Variants in GNA14 observed in about 807,000 individuals in gnomAD.
GNA14 encodes guanine nucleotide-binding protein subunit alpha-14.
GNA14 carries 50 observed loss-of-function variants against 42.0 expected under a neutral mutation model. The observed-to-expected ratio is 1.19, with a 90% CI of 0.95 to 1.51. The LOEUF is 1.51. Ranked by LOEUF, GNA14 falls within the 40% of genes most tolerant of loss-of-function variation. The pLI is 0.00. For missense variants in GNA14, 473 were observed against 446.2 expected, an observed-to-expected ratio of 1.06 and a Z score of -0.54; for synonymous variants, 173 against 163.1, an observed-to-expected ratio of 1.06 and a Z score of -0.46.
intron 1 of GNA14, chr9:77,580,753 T>C (rs2117856576): frequency 5.1e-6 from 1 of 195,156 alleles, no homozygotes; most frequent in East Asian, 1.3e-4. Context: ...GTGTGCACAG[T>C]GTGCTGCTGC....
intron 1 of GNA14, among the ~76,000 whole-genome samples, chr9:77,563,028 C>G (rs1227028014): frequency 6.6e-6 from 1 of 152,124 alleles, no homozygotes; most frequent in African/African-American, 2.4e-5. Flanking sequence ...AAATTTCCAG[C>G]AACTTTAGAG....
At chr9:77,615,900 CAT>C (rs1823806759) in intron 1 of GNA14, among the ~76,000 whole-genome samples, 1 of 151,394 alleles carries the variant, frequency 6.6e-6, no homozygotes, top group East Asian at 1.9e-4. Context: ...AAGTAGATAA[CAT>C]AGAGTCAAAG....
chr9:77,490,577 G>A (rs1353211196), intron 2 of GNA14, among the ~76,000 whole-genome samples: 2 of 152,248 alleles, frequency 1.3e-5, no homozygotes, highest in Non-Finnish European at 2.9e-5. Flanking sequence ...GCGCGGGTGG[G>A]CTGGCACTGC....
intron 2 of GNA14, among the ~76,000 whole-genome samples, chr9:77,521,447 C>T (rs1360957287): frequency 6.6e-6 from 1 of 152,128 alleles, no homozygotes; most frequent in Non-Finnish European, 1.5e-5. Flanking sequence ...AAAATACTCC[C>T]AGCCCCGAAA....
At chr9:77,644,437 C>CAAAAAAAAAAAAAAAAAAAAAAAAAA (rs764737417) in intron 1 of GNA14, among the ~76,000 whole-genome samples, 3 of 34,018 alleles carry the variant, frequency 8.8e-5, no homozygotes, top group African/African-American at 1.2e-4. Context: ...TAAAGAGTGT[C>CAAAAAAAAAAAAAAAAAAAAAAAAAA]AAAAAAAAAA....
chr9:77,558,661 T>C (rs935846769), intron 1 of GNA14, among the ~76,000 whole-genome samples: 10 of 152,100 alleles, frequency 6.6e-5, no homozygotes, highest in African/African-American at 2.4e-4. Flanking sequence ...CCATTAGGTA[T>C]GATGAAGACA....
intron 1 of GNA14, among the ~76,000 whole-genome samples, chr9:77,617,061 A>G (rs1047786699): frequency 9.9e-5 from 15 of 151,960 alleles, no homozygotes; most frequent in African/African-American, 2.7e-4. Flanking sequence ...TAGTAGAGAC[A>G]GGGTTTCACC....
At chr9:77,629,891 C>T (rs1436774632) in intron 1 of GNA14, among the ~76,000 whole-genome samples, 1 of 152,048 alleles carries the variant, frequency 6.6e-6, no homozygotes, top group Non-Finnish European at 1.5e-5. Flanking sequence ...AAAGAATACT[C>T]TCAAGACAAA....
intron 1 of GNA14, among the ~76,000 whole-genome samples, chr9:77,623,359 A>G (rs1336565847): frequency 6.6e-6 from 1 of 151,958 alleles, no homozygotes; most frequent in Non-Finnish European, 1.5e-5. Context: ...ATCATCCTAA[A>G]TCTTGGGCTG....
intron 1 of GNA14, among the ~76,000 whole-genome samples, chr9:77,555,367 C>T (rs928597965): frequency 4.6e-5 from 7 of 151,960 alleles, no homozygotes; most frequent in African/African-American, 1.2e-4. Context: ...ATTAGCTGGG[C>T]GTGGTGGCAT....
At chr9:77,431,924 C>T (rs950196002) in intron 3 of GNA14, among the ~76,000 whole-genome samples, 12 of 152,086 alleles carry the variant, frequency 7.9e-5, no homozygotes, top group African/African-American at 1.4e-4. Flanking sequence ...AATACACAGG[C>T]GTAAAACAGG....
Position 77,606,489 on chromosome 9 carries a change from CA to C in GNA14, c.124+41180del, listed in dbSNP as rs1475814246. 2.6e-5 allele frequency among the ~76,000 whole-genome samples: 4 copies of C among 152,286 alleles called. No individual in the cohort carries two copies. The East Asian group carries it at 5.8e-4, about 22-fold the overall frequency. On this transcript the variant is annotated intron_variant, in intron 1 of 6. Coordinates refer to ENST00000341700, the MANE Select transcript of GNA14 (RefSeq NM_004297.4). ...CTTAATATTCATAGCCCTCTCTTTTCAGGAAGTGAATGGCCATTATCACTAA... is the reference window on the plus strand; with the variant it reads ...CTTAATATTCATAGCCCTCTCTTTTCGGAAGTGAATGGCCATTATCACTAA...
rs1835499874 is a variant in GNA14 at position 77,428,933 on chromosome 9, G to C, written c.697C>G (p.Gln233Glu). ...IFLVALSEYD[Q>E]VLAECDNENR... ...TCGTTGTCACACTCAGCCAGGACCT[G>C]GTCATATTCACTCAGAGCAACCAAG... Residue 233 changes from glutamine to glutamate, a missense_variant, in exon 5 of 7, where the codon CAG (glutamine) becomes GAG (glutamate). Transcript: ENST00000341700. 6.2e-7 allele frequency: 1 copy of C among 1,613,770 alleles called. No individual in the cohort carries two copies. The highest frequency in any genetic ancestry group is 8.5e-7 in the Non-Finnish European group (1 of 1,179,876).
chr9:77,599,738 C>T (rs1823524300), intron 1 of GNA14, among the ~76,000 whole-genome samples: 1 of 152,156 alleles, frequency 6.6e-6, no homozygotes, highest in South Asian at 2.1e-4. Flanking sequence ...GTCGGGCCTC[C>T]TTCAATCTAT....
intron 1 of GNA14, among the ~76,000 whole-genome samples, chr9:77,603,488 C>A (rs1052681213): frequency 7.2e-5 from 11 of 152,140 alleles, no homozygotes; most frequent in African/African-American, 2.7e-4. Context: ...AAATTCTATT[C>A]TTTCTACTCT....
intron 2 of GNA14, among the ~76,000 whole-genome samples, chr9:77,518,470 T>C (rs1837296831): frequency 1.3e-5 from 2 of 151,868 alleles, no homozygotes; most frequent in African/African-American, 4.8e-5. Context: ...GTGGGTGGGA[T>C]CGGGAGTTCA....
intron 2 of GNA14, among the ~76,000 whole-genome samples, chr9:77,493,744 T>G (rs1836825900): frequency 6.6e-6 from 1 of 152,236 alleles, no homozygotes; most frequent in East Asian, 1.9e-4. Flanking sequence ...GGTTATTATT[T>G]GTTTTAATTT....
intron 2 of GNA14, among the ~76,000 whole-genome samples, chr9:77,459,683 G>A (rs1315609426): frequency 6.6e-6 from 1 of 152,162 alleles, no homozygotes; most frequent in East Asian, 1.9e-4. Flanking sequence ...TATTAGCAAT[G>A]CCTGATCCCT....
intron 1 of GNA14, among the ~76,000 whole-genome samples, chr9:77,622,476 A>C (rs1267607320): frequency 6.6e-6 from 1 of 152,140 alleles, no homozygotes; most frequent in Non-Finnish European, 1.5e-5. Flanking sequence ...ATGATTAAAG[A>C]AATTTTTTTC....
Sources: gnomAD v4.1 joint callset for allele counts (sites outside exome capture counted in the v4.1 genomes callset) on GRCh38, gnomAD v4.1.1 for gene constraint, MANE v1.5 for transcripts, NCBI Gene and HGNC (gene_info 2026-07-23, HGNC 2026-07-21) for gene names.